KIF5B: variants seen among roughly 807,000 people sequenced by gnomAD.
KIF5B encodes the protein kinesin-1 heavy chain.
In KIF5B, 49 loss-of-function variants were observed where a neutral mutation model predicts 132.8. The observed-to-expected ratio is 0.37, with a 90% CI of 0.29 to 0.47. The LOEUF (loss-of-function observed/expected upper bound fraction) is 0.47, where lower values mean the gene tolerates loss of function less well. Among genes scored for constraint, KIF5B ranks in the 20% least tolerant of loss-of-function variants. The pLI, the probability that KIF5B is intolerant of heterozygous loss-of-function variation, is 1.00. For missense variants in KIF5B, 780 were observed against 1,144.0 expected, an observed-to-expected ratio of 0.68 and a Z score of 4.59; for synonymous variants, 355 against 369.4, an observed-to-expected ratio of 0.96 and a Z score of 0.45.
intron 14 of KIF5B, among the ~76,000 whole-genome samples, chr10:32,030,691 C>T (rs1191052703): frequency 6.6e-6 from 1 of 152,138 alleles, no homozygotes. Context: ...ATTTGTACTG[C>T]ATATTTAATT....
intron 15 of KIF5B, among the ~76,000 whole-genome samples, chr10:32,026,079 T>C (rs1200746278): frequency 1.3e-5 from 2 of 152,154 alleles, no homozygotes; most frequent in Admixed American, 6.5e-5. Context: ...CACACAACTA[T>C]AGAATACAAT....
Position 32,021,058 on chromosome 10 carries a change from A to G in KIF5B, c.2168T>C (p.Val723Ala), listed in dbSNP as rs1190238646. The change falls in exon 19 of 26, where the codon GTA becomes GCA. Residue 723 changes from valine to alanine, a missense_variant. Val to Ala is a moderately conservative substitution (Grantham distance 64). Coordinates refer to ENST00000302418, the MANE Select transcript of KIF5B (RefSeq NM_004521.3). ...QKQISSLRDE[V>A]EAKAKLITDL... Reference sequence around the variant, plus strand: ...AGTAATAAGTTTTGCTTTTGCTTCTACTTCATCTCTCAAACTACTGATCTG... The same window carrying G: ...AGTAATAAGTTTTGCTTTTGCTTCTGCTTCATCTCTCAAACTACTGATCTG... 1.2e-6 allele frequency: 2 copies of G among 1,612,602 alleles called. No homozygotes were observed. Among genetic ancestry groups the G allele is most frequent in the African/African-American group, 1.3e-5 (1 of 74,904 alleles).
At position 32,024,155 on chromosome 10, in the gene KIF5B, T is replaced by TC. The variant is rs1841303948; in HGVS notation, c.1726-1120_1726-1119insG. On this transcript the variant is annotated intron_variant, in intron 15 of 25. Transcript: ENST00000302418. ...AAACATATGAAGAACTCTTTTTTTT[T>TC]TTTTTTTTTTTTTTTTTGAGACGGA... Among the ~76,000 whole-genome samples, 2 of 122,110 alleles carry TC rather than the reference T, an allele frequency of 1.6e-5. 1 individual carries two copies. Among genetic ancestry groups the TC allele is most frequent in the East Asian group, 4.8e-4 (2 of 4,200 alleles). The allele number at this position is 122,110 out of a possible 152,430, so 80.1% of individuals were successfully genotyped here.
intron 2 of KIF5B, among the ~76,000 whole-genome samples, chr10:32,048,091 C>A (rs779355610): frequency 6.6e-6 from 1 of 152,206 alleles, no homozygotes; most frequent in Non-Finnish European, 1.5e-5. Flanking sequence ...GAATGATAGA[C>A]TGCCATTTTC....
chr10:32,050,900 G>A (rs185536742), intron 1 of KIF5B, among the ~76,000 whole-genome samples: 143 of 152,154 alleles, frequency 9.4e-4, no homozygotes, highest in African/African-American at 3.2e-3. Context: ...AATAACAATC[G>A]CCACCCAAAA....
intron 15 of KIF5B, among the ~76,000 whole-genome samples, chr10:32,025,519 G>A (rs190610619): frequency 7.0e-4 from 106 of 152,298 alleles, no homozygotes; most frequent in Admixed American, 2.7e-3. Flanking sequence ...GGGACTATAG[G>A]CGTGCACCAC....
chr10:32,025,810 G>C (rs1412018882), intron 15 of KIF5B, among the ~76,000 whole-genome samples: 2 of 152,186 alleles, frequency 1.3e-5, no homozygotes, highest in Non-Finnish European at 2.9e-5. Flanking sequence ...AAATGATCAA[G>C]CCATGAAAAG....
intron 23 of KIF5B, 114 bp from the exon 24 acceptor site, chr10:32,017,473 C>A: frequency 1.3e-6 from 1 of 793,738 alleles, no homozygotes; most frequent in Non-Finnish European, 2.0e-6. Context: ...TATTGTTTCC[C>A]ATTTATCTAA....
intron 1 of KIF5B, among the ~76,000 whole-genome samples, chr10:32,055,481 T>C (rs182923801): frequency 5.9e-5 from 9 of 151,858 alleles, no homozygotes; most frequent in Admixed American, 1.3e-4. Context: ...AATGGCAAAT[T>C]TGGGGTTAAT....
At chr10:32,038,914 A>G (rs915167540) in intron 4 of KIF5B, 88 bp from the exon 5 acceptor site, 3 of 780,270 alleles carry the variant, frequency 3.8e-6, no homozygotes, top group African/African-American at 3.5e-5. Flanking sequence ...CATTGTTTAG[A>G]CTAGAGAGAC....
chr10:32,037,441 A>C (rs1841475619), intron 7 of KIF5B, 63 bp from the exon 8 acceptor site: 1 of 1,598,792 alleles, frequency 6.3e-7, no homozygotes, highest in African/African-American at 1.3e-5. Flanking sequence ...ATTTCCCTGA[A>C]GCAATCTTAT....
intron 24 of KIF5B, 121 bp downstream of exon 24, chr10:32,017,019 TCTG>T: frequency 1.3e-6 from 1 of 789,646 alleles, no homozygotes; most frequent in East Asian, 2.4e-5. Context: ...ACAGTGCCAC[TCTG>T]CTAAGTTAGA....
Position 32,036,143 on chromosome 10 carries a change from C to T in KIF5B, c.712-149G>A, listed in dbSNP as rs1352802365. ...TGATCTTATTTGCCAAGCATACCAC[C>T]ATTTCTTGAGTACTACTCTTAAGAG... is the stretch of plus-strand genomic sequence containing the variant. On this transcript the variant is annotated intron_variant, in intron 8 of 25. Transcript: ENST00000302418. 1.4e-5 allele frequency: 7 copies of T among 502,816 alleles called. 1 individual carries two copies. The highest frequency in any genetic ancestry group is 5.3e-4 in the Middle Eastern group (1 of 1,874). The allele number at this position is 502,816 out of a possible 1,614,324, so 31.1% of individuals were successfully genotyped here.
chr10:32,037,121 A>T, intron 8 of KIF5B, 133 bp downstream of exon 8: 1 of 725,014 alleles, frequency 1.4e-6, no homozygotes, highest in South Asian at 1.8e-5. Context: ...CACTGGCATC[A>T]GCGGTTACAA....
rs1310599866 is a variant in KIF5B, at chr10:32,021,078, G to C, written c.2148C>G (p.Ile716Met). The C allele has an allele frequency of 1.9e-6, 3 of 1,613,516 alleles. No individual in the cohort carries two copies. The highest frequency in any genetic ancestry group is 1.3e-5 in the African/African-American group (1 of 74,874). The change falls in exon 19 of 26, where the codon ATC becomes ATG. Residue 716 changes from isoleucine (I) to methionine (M), a missense_variant. Physicochemically the swap from Ile to Met is conservative, Grantham distance 10. This residue lies in a region of KIF5B where 471 missense variants were observed against 569.9 expected (regional missense o/e 0.83). Transcript: ENST00000302418. ...CTTCTACTTCATCTCTCAAACTACT[G>C]ATCTGTTTTTGATGAGTTTCTCTAT... ...QSHRETHQKQISSLRDEVEAK... is the reference protein window; with the variant it reads ...QSHRETHQKQMSSLRDEVEAK...
intron 15 of KIF5B, among the ~76,000 whole-genome samples, chr10:32,024,492 G>A (rs947869490): frequency 6.6e-6 from 1 of 150,924 alleles, no homozygotes; most frequent in Non-Finnish European, 1.5e-5. Context: ...GGCCAGGTAC[G>A]GTGGCTCACG....
Position 32,015,527 on chromosome 10 carries a change from G to T in KIF5B, c.*2C>A, listed in dbSNP as rs749267836. On this transcript the variant is annotated 3_prime_UTR_variant, in exon 25 of 26. Transcript: ENST00000302418. The stretch of plus-strand genomic sequence containing the variant: ...AACAAACCTGTGGGTATGTATAAAC[G>T]ATTACACTTGTTTGCCTCCTCCACC... 1.9e-6 allele frequency: 3 copies of T among 1,607,160 alleles called. No individual in the cohort carries two copies. The highest frequency in any genetic ancestry group is 2.2e-5 in the South Asian group (2 of 89,896).
intron 2 of KIF5B, among the ~76,000 whole-genome samples, chr10:32,041,829 T>C (rs1841543557): frequency 6.6e-6 from 1 of 152,182 alleles, no homozygotes; most frequent in Non-Finnish European, 1.5e-5. Context: ...CTTGCTATGT[T>C]GCCCAGGCTG....
At position 32,056,148 on chromosome 10, in the gene KIF5B, G is replaced by A; in HGVS notation, c.-175C>T. ...CGGGGAGCCGGGACTTGAAGAGCCGGCGCCGGCAGCCGTTAACCCTAATGC... is the reference window on the plus strand; with the variant it reads ...CGGGGAGCCGGGACTTGAAGAGCCGACGCCGGCAGCCGTTAACCCTAATGC... On this transcript the variant is annotated 5_prime_UTR_variant, in exon 1 of 26. Coordinates refer to ENST00000302418, the MANE Select transcript of KIF5B (RefSeq NM_004521.3). The A allele has an allele frequency of 1.5e-6, 1 of 674,918 alleles. No individual in the cohort carries two copies. The highest frequency in any genetic ancestry group is 3.0e-5 in the East Asian group (1 of 33,530). The allele number at this position is 674,918 out of a possible 1,614,324, so 41.8% of individuals were successfully genotyped here.
Sources: gnomAD v4.1 joint callset for allele counts (sites outside exome capture counted in the v4.1 genomes callset) on GRCh38, gnomAD v4.1.1 for gene constraint, gnomAD v4.1.1 regional missense constraint, MANE v1.5 for transcripts, NCBI Gene and HGNC (gene_info 2026-07-23, HGNC 2026-07-21) for gene names.